CATSPERE: variants seen among roughly 807,000 people sequenced by gnomAD.
The protein encoded by CATSPERE is cation channel sperm-associated auxiliary subunit epsilon.
Under a neutral mutation model 114.1 loss-of-function variants are expected in CATSPERE, and 93 were observed. The ratio of observed to expected loss-of-function variants is 0.81; its 90% CI spans 0.69 to 0.97. The LOEUF (loss-of-function observed/expected upper bound fraction) is 0.97. Ranked by LOEUF, CATSPERE falls within the 50% of genes least tolerant of loss-of-function variation. CATSPERE has a pLI of 0.00. For missense variants in CATSPERE, 1,058 were observed against 1,131.6 expected (o/e 0.93, Z 0.93); for synonymous variants, 341 against 384.1 (o/e 0.89, Z 1.31).
intron 7 of CATSPERE, among the ~76,000 whole-genome samples, chr1:244,510,162 G>A (rs1430293148): frequency 6.6e-6 from 1 of 152,048 alleles, no homozygotes; most frequent in South Asian, 2.1e-4. Context: ...GGTGCATTAG[G>A]TTGTGTATTT....
At chr1:244,578,292 A>G (rs1665595244) in intron 11 of CATSPERE, among the ~76,000 whole-genome samples, 1 of 152,142 alleles carries the variant, frequency 6.6e-6, no homozygotes, top group Non-Finnish European at 1.5e-5. Context: ...AGCTGAGACT[A>G]TGGGTGTGCA....
At chr1:244,453,876 G>T (rs1188528201), upstream of CATSPERE, among the ~76,000 whole-genome samples, 1 of 152,104 alleles carries the variant, frequency 6.6e-6, no homozygotes, top group East Asian at 1.9e-4. Flanking sequence ...TGTCTGTTCG[G>T]CTCCTGGGGG....
chr1:244,521,594 T>A lies in CATSPERE; in HGVS notation c.536+2896T>A, dbSNP rs531954215. 7.2e-5 allele frequency among the ~76,000 whole-genome samples: 11 copies of A among 152,266 alleles called. 1 individual carries two copies. In the South Asian group the frequency reaches 1.4e-3, roughly 20 times the overall value. ...TCGGCTTAGTAAAAAATAAAATAAATTTTTTTAACCTCATATTGTACATAA... is the reference window on the plus strand; with the variant it reads ...TCGGCTTAGTAAAAAATAAAATAAAATTTTTTAACCTCATATTGTACATAA... On this transcript the variant is annotated intron_variant, in intron 8 of 21. Transcript: ENST00000366534.
intron 10 of CATSPERE, among the ~76,000 whole-genome samples, chr1:244,562,036 C>T (rs149158401): frequency 5.0e-4 from 76 of 151,502 alleles, no homozygotes; most frequent in African/African-American, 1.8e-3. Context: ...CCTGTGGTCC[C>T]AGCTACTCAG....
chr1:244,601,036 A>G (rs1172658209), intron 17 of CATSPERE, among the ~76,000 whole-genome samples: 1 of 152,208 alleles, frequency 6.6e-6, no homozygotes, highest in Non-Finnish European at 1.5e-5. Context: ...AGGAAAAATA[A>G]AATAGAAATC....
At chr1:244,639,380 C>T (rs10754841) in intron 21 of CATSPERE, among the ~76,000 whole-genome samples, 101,130 of 151,870 alleles carry the variant, frequency 0.67, 33,822 homozygotes, top group Middle Eastern at 0.81. Flanking sequence ...CCATGATGTG[C>T]GGCTCCCACA....
At chr1:244,522,793 T>C (rs1677817588) in intron 8 of CATSPERE, among the ~76,000 whole-genome samples, 1 of 152,110 alleles carries the variant, frequency 6.6e-6, no homozygotes, top group Non-Finnish European at 1.5e-5. Flanking sequence ...AGGAAGAAGC[T>C]GAATCTCTGA....
chr1:244,527,806 G>A (rs1485215623), intron 8 of CATSPERE, among the ~76,000 whole-genome samples: 1 of 152,088 alleles, frequency 6.6e-6, no homozygotes, highest in African/African-American at 2.4e-5. Context: ...GCTTCAGCTG[G>A]TCCCTCCGTT....
intron 15 of CATSPERE, among the ~76,000 whole-genome samples, chr1:244,592,240 T>C (rs1667825655): frequency 6.6e-6 from 1 of 152,118 alleles, no homozygotes; most frequent in African/African-American, 2.4e-5. Flanking sequence ...AAGACTGTAG[T>C]TCAGCTAGTT....
At chr1:244,514,690 G>A (rs530092560) in intron 7 of CATSPERE, among the ~76,000 whole-genome samples, 50 of 152,068 alleles carry the variant, frequency 3.3e-4, no homozygotes, top group Admixed American at 2.6e-3. Context: ...TTAGCTGGGC[G>A]TTGTGGCAGG....
At chr1:244,558,137 TC>T (rs1304252713) in intron 9 of CATSPERE, among the ~76,000 whole-genome samples, 592 of 32,102 alleles carry the variant, frequency 0.018, 5 homozygotes, top group African/African-American at 0.045. Flanking sequence ...TCTCTCTCTC[TC>T]TTTTTTTTTT....
chr1:244,554,507 T>G (rs1661281636), intron 9 of CATSPERE, among the ~76,000 whole-genome samples: 1 of 152,008 alleles, frequency 6.6e-6, no homozygotes, highest in South Asian at 2.1e-4. Context: ...CAGGGCAACA[T>G]GGTGAGACCC....
intron 20 of CATSPERE, among the ~76,000 whole-genome samples, chr1:244,625,199 T>C (rs1485297642): frequency 6.6e-6 from 1 of 151,278 alleles, no homozygotes; most frequent in East Asian, 1.9e-4. Flanking sequence ...TAGTAAGACT[T>C]GGAAGTCAAA....
intron 8 of CATSPERE, among the ~76,000 whole-genome samples, chr1:244,542,769 T>TC (rs749377936): frequency 3.3e-5 from 5 of 152,252 alleles, no homozygotes; most frequent in Admixed American, 6.5e-5. Context: ...TCTGGCCCTG[T>TC]CCACTTTGTA....
At chr1:244,508,303 CTTTT>C (rs1009692394) in intron 7 of CATSPERE, among the ~76,000 whole-genome samples, 1 of 133,200 alleles carries the variant, frequency 7.5e-6, no homozygotes, top group Non-Finnish European at 1.6e-5. Flanking sequence ...TTTTTCTTTT[CTTTT>C]TTTTTTTTTT....
chr1:244,634,800 G>A (rs554719336), intron 20 of CATSPERE, among the ~76,000 whole-genome samples: 145 of 152,356 alleles, frequency 9.5e-4, no homozygotes, highest in African/African-American at 3.0e-3. Flanking sequence ...GATAATGCAT[G>A]TAAGCGTTTG....
At chr1:244,576,736 C>T (rs896164620) in intron 11 of CATSPERE, among the ~76,000 whole-genome samples, 2 of 152,000 alleles carry the variant, frequency 1.3e-5, no homozygotes, top group African/African-American at 2.4e-5. Context: ...AGTTTCTGTT[C>T]CCCACCTTCC....
intron 19 of CATSPERE, among the ~76,000 whole-genome samples, chr1:244,615,061 T>C (rs999514314): frequency 1.3e-5 from 2 of 151,976 alleles, no homozygotes; most frequent in African/African-American, 4.8e-5. Context: ...TTCATATTCC[T>C]GGGAGATTGG....
chr1:244,559,403 T>G (rs1488864064), intron 9 of CATSPERE, among the ~76,000 whole-genome samples: 1 of 152,226 alleles, frequency 6.6e-6, no homozygotes, highest in Non-Finnish European at 1.5e-5. Context: ...ATTTGTACAT[T>G]AAGTAAAATG....
Sources: gnomAD v4.1 joint callset for allele counts (sites outside exome capture counted in the v4.1 genomes callset) on GRCh38, gnomAD v4.1.1 for gene constraint, MANE v1.5 for transcripts, NCBI Gene and HGNC (gene_info 2026-07-23, HGNC 2026-07-21) for gene names.